Variants in CEP95 observed in about 807,000 individuals in gnomAD.
CEP95 encodes the protein centrosomal protein of 95 kDa.
Under a neutral mutation model 111.2 loss-of-function variants are expected in CEP95, and 98 were observed. The ratio of observed to expected loss-of-function variants is 0.88; its 90% CI spans 0.75 to 1.04. The LOEUF is 1.04. CEP95 is among the 50% of genes least tolerant of loss of function. The probability of loss-of-function intolerance (pLI) is 0.00; values close to 1 mark genes in which losing one functional copy is unlikely to be tolerated. For missense variants in CEP95, 1,027 were observed against 977.2 expected (o/e 1.05, Z -0.68); for synonymous variants, 323 against 327.1 (o/e 0.99, Z 0.14).
Position 64,537,678 on chromosome 17 carries a change from C to G in CEP95, c.2365C>G (p.Gln789Glu). ...TCAGCAGCTGCAGGACATGATAACA[C>G]AGAATGATGATGATGTTTTCTTCCG... is the stretch of plus-strand genomic sequence containing the variant. ...EIQQLQDMIT[Q>E]NDDDVFFREL... Residue 789 changes from glutamine to glutamate, a missense_variant, in exon 20 of 20, where the codon CAG (glutamine) becomes GAG (glutamate). By Grantham distance (29) the Gln-to-Glu change is conservative (BLOSUM62 2). Coordinates refer to ENST00000556440, the MANE Select transcript of CEP95 (RefSeq NM_138363.3). 6.2e-7 allele frequency: 1 copy of G among 1,613,346 alleles called. No individual in the cohort carries two copies. The highest frequency in any genetic ancestry group is 8.5e-7 in the Non-Finnish European group (1 of 1,179,542).
At chr17:64,513,193 A>G (rs910403026) in intron 3 of CEP95, among the ~76,000 whole-genome samples, 13 of 152,222 alleles carry the variant, frequency 8.5e-5, no homozygotes, top group African/African-American at 3.1e-4. Context: ...AGTAGTATAA[A>G]ACGTCAAATT....
chr17:64,509,151 AATTG>A (rs1555674015), intron 2 of CEP95, among the ~76,000 whole-genome samples: 2 of 152,184 alleles, frequency 1.3e-5, no homozygotes, highest in Non-Finnish European at 2.9e-5. Flanking sequence ...TAGGGATAAG[AATTG>A]ATGCTTGTAG....
intron 12 of CEP95, among the ~76,000 whole-genome samples, chr17:64,529,980 C>CA (rs1481779704): frequency 6.6e-6 from 1 of 152,170 alleles, no homozygotes; most frequent in Non-Finnish European, 1.5e-5. Context: ...ATCTTACACT[C>CA]ATTTGTAACT....
intron 3 of CEP95, among the ~76,000 whole-genome samples, chr17:64,513,589 T>G (rs1316124523): frequency 6.6e-6 from 1 of 152,158 alleles, no homozygotes; most frequent in African/African-American, 2.4e-5. Flanking sequence ...ACGCTGAAGA[T>G]GGAGTGAGAT....
intron 19 of CEP95, 44 bp downstream of exon 19, chr17:64,537,156 G>GTTTC: frequency 6.3e-7 from 1 of 1,594,642 alleles, no homozygotes; most frequent in Non-Finnish European, 8.5e-7. Context: ...GCATGGCAAT[G>GTTTC]TTTCTTTCAG....
At position 64,537,810 on chromosome 17, in the gene CEP95, C is replaced by T. The variant is rs1968763235; in HGVS notation, c.*31C>T. 1 of 1,437,096 alleles carries T rather than the reference C, an allele frequency of 7.0e-7. No homozygotes were observed. The highest frequency in any genetic ancestry group is 1.4e-5 in the African/African-American group (1 of 70,742). The allele number at this position is 1,437,096 out of a possible 1,614,324, so 89.0% of individuals were successfully genotyped here. A position where few individuals can be genotyped will look rare whatever the true frequency, so the allele number is the denominator to read the frequency against. The stretch of plus-strand genomic sequence containing the variant: ...GACTTGATAATAGTAGGTGAAGGTT[C>T]TGGAGGCCTTTACCAGGACAGAGCT... On this transcript the variant is annotated 3_prime_UTR_variant, in exon 20 of 20. Transcript: ENST00000556440.
At chr17:64,536,238 G>A (rs1968646033) in intron 17 of CEP95, 1 of 156,756 alleles carries the variant, frequency 6.4e-6, no homozygotes, top group Non-Finnish European at 1.4e-5. Flanking sequence ...TGAGGTGCAA[G>A]GATTGCTTGG....
chr17:64,514,215 A>G (rs2039030249), intron 3 of CEP95, 33 bp from the exon 4 acceptor site: 2 of 847,800 alleles, frequency 2.4e-6, no homozygotes, highest in African/African-American at 3.4e-5. Context: ...TTTCATGGTT[A>G]AATTTTTTAA....
At chr17:64,530,568 G>T (rs1399340720) in intron 12 of CEP95, among the ~76,000 whole-genome samples, 1 of 149,310 alleles carries the variant, frequency 6.7e-6, no homozygotes, top group African/African-American at 2.5e-5. Flanking sequence ...GAGTGCAATG[G>T]CATAATCTTG....
At chr17:64,526,642 T>C (rs572431056) in intron 10 of CEP95, among the ~76,000 whole-genome samples, 2 of 152,306 alleles carry the variant, frequency 1.3e-5, no homozygotes, top group East Asian at 3.9e-4. Context: ...TAGTGATCCA[T>C]AGCACTGATA....
In CEP95 at chr17:64,534,748, C is replaced by T. The variant is rs887147753; in HGVS notation, c.2070+11C>T. ...ACCCGGGAAGAAATGGTAAGTCTGA[C>T]TTTTCTGTCCAGCCCTGTTAAGAAG... On this transcript the variant is annotated intron_variant, in intron 17 of 19. Coordinates refer to ENST00000556440, the MANE Select transcript of CEP95 (RefSeq NM_138363.3). 16 of 1,607,226 alleles carry T rather than the reference C, an allele frequency of 1.0e-5. No homozygotes were observed. The highest frequency in any genetic ancestry group is 1.4e-5 in the Non-Finnish European group (16 of 1,176,564).
chr17:64,513,772 T>G (rs985856242), intron 3 of CEP95, among the ~76,000 whole-genome samples: 2 of 152,186 alleles, frequency 1.3e-5, no homozygotes, highest in African/African-American at 4.8e-5. Context: ...ATTGTTTTTT[T>G]TTGTTGTTTT....
In CEP95 at chr17:64,521,467, G is replaced by A; in HGVS notation, c.655G>A (p.Glu219Lys). 6.2e-7 allele frequency: 1 copy of A among 1,612,714 alleles called. No individual in the cohort carries two copies. The change falls in exon 7 of 20, where the codon GAA (glutamate) becomes AAA (lysine). Residue 219 changes from glutamate (E) to lysine (K), a missense_variant. By Grantham distance (56) the Glu-to-Lys change is moderately conservative (BLOSUM62 1). Transcript: ENST00000556440. Reference sequence around the variant, plus strand: ...AGCCTCACCAAGTTCTAAATCACATGAAGATATGTTGTACCCTCCTAGTGT... The same window carrying A: ...AGCCTCACCAAGTTCTAAATCACATAAAGATATGTTGTACCCTCCTAGTGT... ...ALASPSSKSH[E>K]DMLYPPSVLS...
intron 13 of CEP95, 30 bp downstream of exon 13, chr17:64,531,048 C>T: frequency 7.7e-7 from 1 of 1,292,526 alleles, no homozygotes; most frequent in Admixed American, 2.1e-5. Flanking sequence ...GTAATAAATG[C>T]CATTTGATCA....
chr17:64,532,842 A>G lies in CEP95; in HGVS notation c.1676A>G (p.Lys559Arg). Reference sequence around the variant, plus strand: ...AACATCTTATTTTACCTTGCAGTGAAAGTAAGTGAACACAGTCTCCTGCCC... The same window carrying G: ...AACATCTTATTTTACCTTGCAGTGAGAGTAAGTGAACACAGTCTCCTGCCC... ...LPKPNKAVPM[K>R]VSEHSLLPLM... The change falls in exon 15 of 20, where the codon AAA becomes AGA. Residue 559 changes from lysine (K) to arginine (R), a missense_variant. By Grantham distance (26) the Lys-to-Arg change is conservative (BLOSUM62 2). Transcript: ENST00000556440. 5.0e-6 allele frequency: 8 copies of G among 1,605,714 alleles called. No individual in the cohort carries two copies. The highest frequency in any genetic ancestry group is 6.8e-6 in the Non-Finnish European group (8 of 1,177,712).
intron 2 of CEP95, among the ~76,000 whole-genome samples, chr17:64,509,747 GT>G (rs1205308102): frequency 1.3e-5 from 2 of 149,298 alleles, no homozygotes; most frequent in Non-Finnish European, 1.5e-5. Context: ...TGCCTGCTGT[GT>G]TTTTTTTTTC....
chr17:64,512,351 T>G (rs1442344225), intron 3 of CEP95, among the ~76,000 whole-genome samples: 1 of 152,238 alleles, frequency 6.6e-6, no homozygotes, highest in African/African-American at 2.4e-5. Flanking sequence ...GTGTATACTT[T>G]TTGCACTTGC....
At position 64,532,819 on chromosome 17, in the gene CEP95, C is replaced by T. The variant is rs964871593; in HGVS notation, c.1673-20C>T. 1 of 1,601,478 alleles carries T rather than the reference C, an allele frequency of 6.2e-7. No individual in the cohort carries two copies. The highest frequency in any genetic ancestry group is 8.5e-7 in the Non-Finnish European group (1 of 1,175,760). ...TCTTGTCCACGTCTCAGATTAAGAA[C>T]ATCTTATTTTACCTTGCAGTGAAAG... is the stretch of plus-strand genomic sequence containing the variant. On this transcript the variant is annotated intron_variant, in intron 14 of 19. Transcript: ENST00000556440.
intron 5 of CEP95, among the ~76,000 whole-genome samples, chr17:64,517,771 C>A (rs902367148): frequency 6.7e-6 from 1 of 148,986 alleles, no homozygotes; most frequent in East Asian, 2.0e-4. Flanking sequence ...TGGCCTCAAG[C>A]GATCCTCCTG....
Sources: gnomAD v4.1 joint callset for allele counts (sites outside exome capture counted in the v4.1 genomes callset) on GRCh38, gnomAD v4.1.1 for gene constraint, MANE v1.5 for transcripts, NCBI Gene and HGNC (gene_info 2026-07-23, HGNC 2026-07-21) for gene names.